Variants in SPATA13 observed in about 807,000 individuals in gnomAD.
The protein encoded by SPATA13 is spermatogenesis-associated protein 13.
Under a neutral mutation model 104.0 loss-of-function variants are expected in SPATA13, and 50 were observed. That is an observed-to-expected ratio of 0.48 (90% CI 0.38 to 0.61). The LOEUF (loss-of-function observed/expected upper bound fraction) is 0.61. SPATA13 is among the 20% of genes least tolerant of loss of function. The pLI is 0.00. For synonymous variants in SPATA13, 606 were observed against 667.5 expected, an observed-to-expected ratio of 0.91 and a Z score of 1.42; for missense variants, 1,524 against 1,690.6, an observed-to-expected ratio of 0.90 and a Z score of 1.73.
intron 1 of SPATA13, among the ~76,000 whole-genome samples, chr13:24,179,586 A>G (rs148892121): frequency 1.8e-4 from 15 of 83,172 alleles, no homozygotes; most frequent in African/African-American, 4.0e-4. Context: ...GAAACTCTGT[A>G]CAGATTAAAT....
At chr13:24,049,645 A>G (rs73455377) in intron 3 of SPATA13, among the ~76,000 whole-genome samples, 5,509 of 152,196 alleles carry the variant, frequency 0.036, 313 homozygotes, top group African/African-American at 0.12. Context: ...AGTCTGTAAT[A>G]TACATGCAAT....
At chr13:24,000,368 A>G (rs924791001) in intron 2 of SPATA13, among the ~76,000 whole-genome samples, 42 of 152,282 alleles carry the variant, frequency 2.8e-4, no homozygotes, top group African/African-American at 8.9e-4. Flanking sequence ...GTGATGGAGA[A>G]TATGGAAGGC....
chr13:24,226,171 A>T (rs1289914538), intron 2 of SPATA13, among the ~76,000 whole-genome samples: 1 of 152,056 alleles, frequency 6.6e-6, no homozygotes, highest in African/African-American at 2.4e-5. Context: ...GGAAGTTCTC[A>T]CTCCAGGTCG....
At chr13:24,267,293 A>G (rs928330607) in intron 4 of SPATA13, among the ~76,000 whole-genome samples, 3 of 152,208 alleles carry the variant, frequency 2.0e-5, no homozygotes, top group African/African-American at 7.2e-5. Flanking sequence ...GGGGACATAA[A>G]GGGGTTGTTG....
chr13:24,059,890 G>T (rs970210421), intron 3 of SPATA13, among the ~76,000 whole-genome samples: 6 of 152,234 alleles, frequency 3.9e-5, no homozygotes, highest in Admixed American at 1.3e-4. Context: ...ATGTTGAATA[G>T]GAGTGGTAAG....
chr13:23,991,155 G>A (rs975057912), intron 2 of SPATA13, among the ~76,000 whole-genome samples: 4 of 152,216 alleles, frequency 2.6e-5, no homozygotes, highest in African/African-American at 9.6e-5. Context: ...CAGAGATCCT[G>A]GTCAGGGCTG....
intron 9 of SPATA13, 117 bp downstream of exon 9, chr13:24,291,001 T>A (rs1876314035): frequency 1.3e-6 from 1 of 770,964 alleles, no homozygotes; most frequent in Non-Finnish European, 2.1e-6. Context: ...CTTTGGGAGC[T>A]CCATGGGAGA....
rs952644533 is a variant in SPATA13, at chr13:24,276,918, G to T, written c.2165-7217G>T. ...TGCCCAGCAGAGCTGGCATTGACAC[G>T]CTGTGGACTACTACATCTAAGATTT... On this transcript the variant is annotated intron_variant, in intron 4 of 12. Transcript: ENST00000382108. 4.6e-5 allele frequency among the ~76,000 whole-genome samples: 7 copies of T among 152,186 alleles called. No individual in the cohort carries two copies. The East Asian group carries it at 1.2e-3, about 25-fold the overall frequency.
chr13:24,173,738 G>T (rs577850892), intron 1 of SPATA13, among the ~76,000 whole-genome samples: 1 of 151,894 alleles, frequency 6.6e-6, no homozygotes. Flanking sequence ...TTCTTCTTCA[G>T]CCTGTTAATA....
chr13:24,163,616 C>T (rs1310608965), intron 1 of SPATA13, among the ~76,000 whole-genome samples: 2 of 152,154 alleles, frequency 1.3e-5, no homozygotes, highest in Non-Finnish European at 2.9e-5. Context: ...GAGTTGGAGG[C>T]AAGTAGTATT....
At chr13:24,281,163 C>T (rs534772588) in intron 4 of SPATA13, among the ~76,000 whole-genome samples, 3 of 152,342 alleles carry the variant, frequency 2.0e-5, no homozygotes, top group East Asian at 3.9e-4. Flanking sequence ...AAAGCTAGGG[C>T]CCAGAAGGCA....
At chr13:23,982,465 AG>A (rs1334687594) in intron 1 of SPATA13, among the ~76,000 whole-genome samples, 4 of 152,244 alleles carry the variant, frequency 2.6e-5, no homozygotes, top group Admixed American at 6.5e-5. Context: ...ATTAACTGGC[AG>A]AAAAAGCAAA....
chr13:24,189,257 G>A (rs371862175), intron 1 of SPATA13, among the ~76,000 whole-genome samples: 2 of 151,784 alleles, frequency 1.3e-5, no homozygotes, highest in East Asian at 1.9e-4. Flanking sequence ...GGATCACGAC[G>A]TCAGGAGATG....
At chr13:24,143,595 T>C (rs1019584004) in intron 3 of SPATA13, among the ~76,000 whole-genome samples, 22 of 152,206 alleles carry the variant, frequency 1.4e-4, no homozygotes, top group Non-Finnish European at 2.2e-4. Context: ...AGTCTTTTTT[T>C]CCCAGGCTTT....
chr13:24,194,017 C>T (rs1869916188), intron 1 of SPATA13, among the ~76,000 whole-genome samples: 1 of 152,186 alleles, frequency 6.6e-6, no homozygotes. Context: ...ACCTTCTCAA[C>T]CATTCAAGTT....
chr13:24,227,859 C>T (rs752217314), intron 2 of SPATA13, among the ~76,000 whole-genome samples: 1 of 152,054 alleles, frequency 6.6e-6, no homozygotes, highest in African/African-American at 2.4e-5. Context: ...TGTGAGCCAC[C>T]ACGCCCGGCC....
intron 1 of SPATA13, among the ~76,000 whole-genome samples, chr13:24,210,329 T>A (rs116570947): frequency 0.014 from 2,073 of 152,292 alleles, 37 homozygotes; most frequent in African/African-American, 0.047. Flanking sequence ...TAGTGTTATA[T>A]CCAAGAACTT....
At chr13:24,278,414 G>A (rs1246807500) in intron 4 of SPATA13, among the ~76,000 whole-genome samples, 1 of 152,096 alleles carries the variant, frequency 6.6e-6, no homozygotes, top group East Asian at 1.9e-4. Context: ...ATAGGCACCT[G>A]ATAAAATAAC....
chr13:24,306,400 A>G lies in SPATA13; in HGVS notation c.*3627A>G, dbSNP rs1055960877. Reference sequence around the variant, plus strand: ...ACTATTACTTGTCAGGGAGAGAAGAAACTTAGAATTGTCCCTCAAAGGAGT... The same window carrying G: ...ACTATTACTTGTCAGGGAGAGAAGAGACTTAGAATTGTCCCTCAAAGGAGT... On this transcript the variant is annotated 3_prime_UTR_variant, in exon 13 of 13. Transcript: ENST00000382108. 1.9e-4 allele frequency: 29 copies of G among 152,346 alleles called. No individual in the cohort carries two copies. The highest frequency in any genetic ancestry group is 3.4e-3 in the Middle Eastern group (1 of 294). The allele number at this position is 152,346 out of a possible 1,614,324, so 9.4% of individuals were successfully genotyped here. A position where few individuals can be genotyped will look rare whatever the true frequency, so the allele number is the denominator to read the frequency against.
Sources: allele counts gnomAD v4.1 joint callset (sites outside exome capture counted in the v4.1 genomes callset), GRCh38; gene constraint gnomAD v4.1.1; transcripts MANE v1.5; gene names NCBI Gene and HGNC (gene_info 2026-07-23, HGNC 2026-07-21).